Variants in GPR31 observed in about 807,000 individuals in gnomAD.
The protein encoded by GPR31 is 12-(S)-hydroxy-5,8,10,14-eicosatetraenoic acid receptor.
For synonymous variants in GPR31, 209 were observed against 183.8 expected (o/e 1.14, Z -1.11); for missense variants, 394 against 400.5 (o/e 0.98, Z 0.14).
chr6:167,157,596 G>GC lies in GPR31; in HGVS notation c.235dup (p.Ala79GlyfsTer44). The stretch of plus-strand genomic sequence containing the variant: ...GCAGCCCACACGGCCCAGATGCCAA[G>GC]CCTGGAGGCTCAGGTAGAAGGCGGC... On this transcript the variant is annotated frameshift_variant, in exon 1 of 1. Coordinates refer to ENST00000366834, the MANE Select transcript of GPR31 (RefSeq NM_005299.3). LOFTEE classifies it low-confidence loss of function (END_TRUNC). 1.2e-6 allele frequency: 2 copies of GC among 1,611,596 alleles called. No individual in the cohort carries two copies. Among genetic ancestry groups the GC allele is most frequent in the Non-Finnish European group, 1.7e-6 (2 of 1,178,214 alleles).
rs1424787181 is a variant in GPR31 at position 167,156,905 on chromosome 6, G to C, written c.927C>G (p.Pro309=). The C allele has an allele frequency of 6.2e-7, 1 of 1,608,348 alleles. No individual in the cohort carries two copies. The highest frequency in any genetic ancestry group is 1.1e-5 in the South Asian group (1 of 90,400). The change falls in exon 1 of 1, where the codon CCC becomes CCG. Residue 309 remains proline, a synonymous_variant. Transcript: ENST00000366834. This position sits in a 1 kb window ranked among gnomAD's most constrained non-coding sequence, Gnocchi z 4.5. ...AGGAGTCTCTGGGGTTGAAATCTGG[G>C]GGCTCTGCTGCCTGCCCTTTGCCTC... ...TLRGKGQAAE[P]PDFNPRDSYS
In GPR31 at chr6:167,157,512, G is replaced by A; in HGVS notation, c.320C>T (p.Ala107Val). The change falls in exon 1 of 1, where the codon GCC becomes GTC. Residue 107 changes from alanine (A) to valine (V), a missense_variant. Physicochemically the swap from Ala to Val is moderately conservative, Grantham distance 64. Coordinates refer to ENST00000366834, the MANE Select transcript of GPR31 (RefSeq NM_005299.3). Reference sequence around the variant, plus strand: ...ACGGAGGTACCGGTCCAAAGCCACGGCGGCCAGGAAGGCCATCCCCACGCT... The same window carrying A: ...ACGGAGGTACCGGTCCAAAGCCACGACGGCCAGGAAGGCCATCCCCACGCT... ...SRSVGMAFLA[A>V]VALDRYLRVV... 6.2e-7 allele frequency: 1 copy of A among 1,613,264 alleles called. No individual in the cohort carries two copies. Among genetic ancestry groups the A allele is most frequent in the East Asian group, 2.2e-5 (1 of 44,874 alleles).
In GPR31 at chr6:167,156,722, C is replaced by T. The variant is rs1782066886; in HGVS notation, c.*150G>A. 2.3e-6 allele frequency: 2 copies of T among 863,640 alleles called. No homozygotes were observed. The highest frequency in any genetic ancestry group is 1.7e-5 in the African/African-American group (1 of 59,268). 53.5% of individuals were successfully genotyped at this position (863,640 alleles called of 1,614,324 possible). On this transcript the variant is annotated 3_prime_UTR_variant, in exon 1 of 1. Transcript: ENST00000366834. The surrounding 1 kb of genome is among the most constrained non-coding windows in gnomAD (Gnocchi z 4.5). ...CCCTGGTCAACAAAGTATAAGACCA[C>T]ACCTGCAGCAACTGTGCCCATGTTT...
rs757737850 is a variant in GPR31 at position 167,157,016 on chromosome 6, G to A, written c.816C>T (p.Tyr272=). 1.9e-6 allele frequency: 3 copies of A among 1,614,164 alleles called. No individual in the cohort carries two copies. The highest frequency in any genetic ancestry group is 8.5e-7 in the Non-Finnish European group (1 of 1,180,030). ...CCACGGGGTTGAGCACACTGTGCAG[G>A]TAGGTGAGGCTGCCCGTGACATCCG... The part of the protein sequence containing the change: ...HTSDVTGSLT[Y]LHSVLNPVVY... The change falls in exon 1 of 1, where the codon TAC becomes TAT. Residue 272 remains tyrosine (Y), a synonymous_variant. Coordinates refer to ENST00000366834, the MANE Select transcript of GPR31 (RefSeq NM_005299.3).
In GPR31 at chr6:167,157,002, A is replaced by C. The variant is rs1401485788; in HGVS notation, c.830T>G (p.Leu277Arg). 6.2e-7 allele frequency: 1 copy of C among 1,614,122 alleles called. No homozygotes were observed. Among genetic ancestry groups the C allele is most frequent in the Non-Finnish European group, 8.5e-7 (1 of 1,180,030 alleles). Residue 277 changes from leucine (L) to arginine (R), a missense_variant, in exon 1 of 1, where the codon CTC becomes CGC. Physicochemically the swap from Leu to Arg is moderately radical, Grantham distance 102 (BLOSUM62 -2). Coordinates refer to ENST00000366834, the MANE Select transcript of GPR31 (RefSeq NM_005299.3). ...TGSLTYLHSV[L>R]NPVVYCFSSP... ...GGAGAAGCAGTATACCACGGGGTTG[A>C]GCACACTGTGCAGGTAGGTGAGGCT...
chr6:167,157,219 G>A lies in GPR31; in HGVS notation c.613C>T (p.Gln205Ter). ...TTCTCAGGCTCCCGGAGTCTTTTCTGGAGAGCCCTGATGATGCCTGCATTG... is the reference window on the plus strand; with the variant it reads ...TTCTCAGGCTCCCGGAGTCTTTTCTAGAGAGCCCTGATGATGCCTGCATTG... ...FCNAGIIRAL[Q>*]KRLREPEKQP... Residue 205 changes from glutamine to a stop codon, truncating the protein, a stop_gained, in exon 1 of 1, where the codon CAG (glutamine) becomes TAG (stop). Transcript: ENST00000366834. LOFTEE classifies it low-confidence loss of function (END_TRUNC). 1 of 1,614,244 alleles carries A rather than the reference G, an allele frequency of 6.2e-7. No individual in the cohort carries two copies. Among genetic ancestry groups the A allele is most frequent in the Non-Finnish European group, 8.5e-7 (1 of 1,180,048 alleles).
rs576230199 is a variant in GPR31 at position 167,157,905 on chromosome 6, G to A, written c.-74C>T. ...AACTCTGTGCTCTTTCTTACAAAATGAAAGAAAAGGCCTTTTCCTGCCACA... is the reference window on the plus strand; with the variant it reads ...AACTCTGTGCTCTTTCTTACAAAATAAAAGAAAAGGCCTTTTCCTGCCACA... On this transcript the variant is annotated 5_prime_UTR_variant, in exon 1 of 1. Coordinates refer to ENST00000366834, the MANE Select transcript of GPR31 (RefSeq NM_005299.3). 2,857 of 1,456,256 alleles carry A rather than the reference G, an allele frequency of 2.0e-3. 68 individuals are homozygous for A. In the South Asian group the frequency reaches 0.038, roughly 19 times the overall value. 90.2% of individuals were successfully genotyped at this position (1,456,256 alleles called of 1,614,324 possible).
Position 167,156,941 on chromosome 6 carries a change from G to A in GPR31, c.891C>T (p.Phe297=), listed in dbSNP as rs757778884. 2 of 1,613,652 alleles carry A rather than the reference G, an allele frequency of 1.2e-6. No homozygotes were observed. Among genetic ancestry groups the A allele is most frequent in the African/African-American group, 2.7e-5 (2 of 74,912 alleles). ...CCTGCCCTTTGCCTCGGAGGGTGTG[G>A]AAGACCCTCCGATAGGAGCTCCTGA... ...PTFRSSYRRV[F]HTLRGKGQAA... Residue 297 remains phenylalanine, a synonymous_variant, in exon 1 of 1, where the codon TTC becomes TTT. Coordinates refer to ENST00000366834, the MANE Select transcript of GPR31 (RefSeq NM_005299.3). This position sits in a 1 kb window ranked among gnomAD's most constrained non-coding sequence, Gnocchi z 4.5.
In GPR31 at chr6:167,157,733, C is replaced by T. The variant is rs1445720113; in HGVS notation, c.99G>A (p.Ala33=). The change falls in exon 1 of 1, where the codon GCG becomes GCA. Residue 33 remains alanine (A), a synonymous_variant. Coordinates refer to ENST00000366834, the MANE Select transcript of GPR31 (RefSeq NM_005299.3). ...GGAACAGGAAGGTCCACAGCGCCAC[C>T]GCGTTGCCCAGCAGACCCAGCCCAC... The part of the protein sequence containing the change: ...LECGLGLLGN[A]VALWTFLFRV... 3.7e-6 allele frequency: 6 copies of T among 1,613,610 alleles called. No individual in the cohort carries two copies. The highest frequency in any genetic ancestry group is 1.6e-4 in the Middle Eastern group (1 of 6,062).
Position 167,155,253 on chromosome 6 carries a change from T to C in GPR31, c.*1619A>G, listed in dbSNP as rs980150768. Reference sequence around the variant, plus strand: ...AGGCACAGTGTAGAACGAGTCCACATTAAAGAATTTTATTCAGACATTTCA... The same window carrying C: ...AGGCACAGTGTAGAACGAGTCCACACTAAAGAATTTTATTCAGACATTTCA... On this transcript the variant is annotated 3_prime_UTR_variant, in exon 1 of 1. Transcript: ENST00000366834. 1.3e-4 allele frequency among the ~76,000 whole-genome samples: 20 copies of C among 151,596 alleles called. No individual in the cohort carries two copies. Among genetic ancestry groups the C allele is most frequent in the African/African-American group, 4.4e-4 (18 of 41,198 alleles).
rs1181321390 is a variant in GPR31, at chr6:167,155,630, C to T, written c.*1242G>A. Among the ~76,000 whole-genome samples the T allele has an allele frequency of 2.0e-5, 3 of 152,188 alleles. No homozygotes were observed. The highest frequency in any genetic ancestry group is 4.4e-5 in the Non-Finnish European group (3 of 68,026). ...AACACCACAGAACTGATATTTAGTA[C>T]AAAAGTGTTTTATCGTGTTAGGAGA... On this transcript the variant is annotated 3_prime_UTR_variant, in exon 1 of 1. Coordinates refer to ENST00000366834, the MANE Select transcript of GPR31 (RefSeq NM_005299.3).
Position 167,157,427 on chromosome 6 carries a change from C to G in GPR31, c.405G>C (p.Ser135=), listed in dbSNP as rs143766557. Reference sequence around the variant, plus strand: ...CGACCATCAGGAGCCAGACGAGGCCCGAGACCCCCAGGGCCGCCTGAGGAG... The same window carrying G: ...CGACCATCAGGAGCCAGACGAGGCCGGAGACCCCCAGGGCCGCCTGAGGAG... The part of the protein sequence containing the change: ...LLSPQAALGV[S]GLVWLLMVAL... Residue 135 remains serine (S), a synonymous_variant, in exon 1 of 1, where the codon TCG becomes TCC. Coordinates refer to ENST00000366834, the MANE Select transcript of GPR31 (RefSeq NM_005299.3). 44 of 1,613,240 alleles carry G rather than the reference C, an allele frequency of 2.7e-5. No homozygotes were observed. The highest frequency in any genetic ancestry group is 1.2e-4 in the South Asian group (11 of 91,072).
Position 167,156,995 on chromosome 6 carries a change from G to C in GPR31, c.837C>G (p.Pro279=), listed in dbSNP as rs528524969. The C allele has an allele frequency of 1.0e-4, 163 of 1,614,144 alleles. 4 individuals carry two copies. The South Asian group carries it at 1.7e-3, about 17-fold the overall frequency. The change falls in exon 1 of 1, where the codon CCC becomes CCG. Residue 279 remains proline (P), a synonymous_variant. Coordinates refer to ENST00000366834, the MANE Select transcript of GPR31 (RefSeq NM_005299.3). The surrounding 1 kb of genome is among the most constrained non-coding windows in gnomAD (Gnocchi z 4.5). ...TGGGGCTGGAGAAGCAGTATACCAC[G>C]GGGTTGAGCACACTGTGCAGGTAGG... ...SLTYLHSVLN[P]VVYCFSSPTF...
At position 167,157,665 on chromosome 6, in the gene GPR31, A is replaced by G. The variant is rs778468135; in HGVS notation, c.167T>C (p.Leu56Pro). The change falls in exon 1 of 1, where the codon CTG (leucine) becomes CCG (proline). Residue 56 changes from leucine (L) to proline (P), a missense_variant. Physicochemically the swap from Leu to Pro is moderately conservative, Grantham distance 98. Transcript: ENST00000366834. ...AGCCAACAGCAGGTCAGCCAGGGCCAGGTTGAGCAGGTAGACAGCGTACGG... is the reference window on the plus strand; with the variant it reads ...AGCCAACAGCAGGTCAGCCAGGGCCGGGTTGAGCAGGTAGACAGCGTACGG... ...WKPYAVYLLN[L>P]ALADLLLAAC... The G allele has an allele frequency of 6.2e-7, 1 of 1,613,852 alleles. No individual in the cohort carries two copies. Among genetic ancestry groups the G allele is most frequent in the Non-Finnish European group, 8.5e-7 (1 of 1,179,990 alleles).
In GPR31 at chr6:167,157,707, C is replaced by G. The variant is rs368300564; in HGVS notation, c.125G>C (p.Arg42Pro). The change falls in exon 1 of 1, where the codon CGG becomes CCG. Residue 42 changes from arginine (R) to proline (P), a missense_variant. Coordinates refer to ENST00000366834, the MANE Select transcript of GPR31 (RefSeq NM_005299.3). ...NAVALWTFLF[R>P]VRVWKPYAVY... Reference sequence around the variant, plus strand: ...AGCGTACGGCTTCCACACCCTGACCCGGAACAGGAAGGTCCACAGCGCCAC... The same window carrying G: ...AGCGTACGGCTTCCACACCCTGACCGGGAACAGGAAGGTCCACAGCGCCAC... The G allele has an allele frequency of 6.2e-7, 1 of 1,613,748 alleles. No homozygotes were observed. Among genetic ancestry groups the G allele is most frequent in the South Asian group, 1.1e-5 (1 of 91,084 alleles).
chr6:167,156,893 G>A lies in GPR31; in HGVS notation c.939C>T (p.Asn313=). 6.2e-7 allele frequency: 1 copy of A among 1,604,490 alleles called. No individual in the cohort carries two copies. The highest frequency in any genetic ancestry group is 8.5e-7 in the Non-Finnish European group (1 of 1,175,114). The change falls in exon 1 of 1, where the codon AAC becomes AAT. Residue 313 remains asparagine (N), a synonymous_variant. Transcript: ENST00000366834. This position sits in a 1 kb window ranked among gnomAD's most constrained non-coding sequence, Gnocchi z 4.5. ...KGQAAEPPDF[N]PRDSYS ...GTTGTCAGGAATAGGAGTCTCTGGG[G>A]TTGAAATCTGGGGGCTCTGCTGCCT...
Position 167,155,972 on chromosome 6 carries a change from C to T in GPR31, c.*900G>A, listed in dbSNP as rs529125542. ...GGGGCTGGACGCCTGCCCACCTTCA[C>T]ACTGTGGCCCATGGAGCCCTGGCAT... is the stretch of plus-strand genomic sequence containing the variant. On this transcript the variant is annotated 3_prime_UTR_variant, in exon 1 of 1. Coordinates refer to ENST00000366834, the MANE Select transcript of GPR31 (RefSeq NM_005299.3). Among the ~76,000 whole-genome samples the T allele has an allele frequency of 1.1e-4, 17 of 152,232 alleles. No individual in the cohort carries two copies. The highest frequency in any genetic ancestry group is 2.2e-4 in the Non-Finnish European group (15 of 68,038).
Position 167,157,014 on chromosome 6 carries a change from A to G in GPR31, c.818T>C (p.Leu273Pro). 6.2e-7 allele frequency: 1 copy of G among 1,614,150 alleles called. No homozygotes were observed. The change falls in exon 1 of 1, where the codon CTG becomes CCG. Residue 273 changes from leucine (L) to proline (P), a missense_variant. Physicochemically the swap from Leu to Pro is moderately conservative, Grantham distance 98. Transcript: ENST00000366834. ...TACCACGGGGTTGAGCACACTGTGC[A>G]GGTAGGTGAGGCTGCCCGTGACATC... ...TSDVTGSLTY[L>P]HSVLNPVVYC...
rs143553061 is a variant in GPR31 at position 167,157,301 on chromosome 6, C to T, written c.531G>A (p.Trp177Ter). 5.5e-5 allele frequency: 88 copies of T among 1,614,084 alleles called. No homozygotes were observed. In the African/African-American group the frequency reaches 1.1e-3, roughly 19 times the overall value. The change falls in exon 1 of 1, where the codon TGG becomes TGA. Residue 177 changes from tryptophan to a stop codon, truncating the protein, a stop_gained. Transcript: ENST00000366834. LOFTEE classifies it low-confidence loss of function (END_TRUNC). ...SRADGSFSII[W>*]QEALSCLQFV... Reference sequence around the variant, plus strand: ...ACTGAAGGCAGGAGAGTGCTTCCTGCCAGATGATGCTGAAGGAGCCGTCTG... The same window carrying T: ...ACTGAAGGCAGGAGAGTGCTTCCTGTCAGATGATGCTGAAGGAGCCGTCTG...
Sources: gnomAD v4.1 joint callset for allele counts (sites outside exome capture counted in the v4.1 genomes callset) on GRCh38, gnomAD v4.1.1 for gene constraint, Gnocchi (gnomAD v3.1) non-coding constraint, MANE v1.5 for transcripts, NCBI Gene and HGNC (gene_info 2026-07-23, HGNC 2026-07-21) for gene names.